The following ZDHHC21 variants were observed in gnomAD, a reference collection of about 807,000 sequenced individuals.
ZDHHC21 encodes the protein zDHHC palmitoyltransferase 21.
Under a neutral mutation model 34.6 loss-of-function variants are expected in ZDHHC21, and 15 were observed. That is an observed-to-expected ratio of 0.43 (90% CI 0.29 to 0.67). The LOEUF (loss-of-function observed/expected upper bound fraction) is 0.67, where lower values mean the gene tolerates loss of function less well. ZDHHC21 is among the 30% of genes least tolerant of loss of function. ZDHHC21 has a pLI of 0.14. For missense variants in ZDHHC21, 344 were observed against 327.7 expected, an observed-to-expected ratio of 1.05 and a Z score of -0.38; for synonymous variants, 142 against 101.8, an observed-to-expected ratio of 1.40 and a Z score of -2.38.
chr9:14,643,922 C>A (rs1161807945), intron 7 of ZDHHC21, among the ~76,000 whole-genome samples: 2 of 152,158 alleles, frequency 1.3e-5, no homozygotes, highest in African/African-American at 2.4e-5. Context: ...AGTCTCAATA[C>A]CTGGTAGGCC....
At chr9:14,667,307 T>C (rs1170549608) in intron 5 of ZDHHC21, among the ~76,000 whole-genome samples, 4 of 149,164 alleles carry the variant, frequency 2.7e-5, no homozygotes, top group African/African-American at 9.8e-5. Flanking sequence ...CAGGAAGAAG[T>C]TGAATCTCTG....
chr9:14,625,886 T>C (rs1826118534), intron 8 of ZDHHC21, among the ~76,000 whole-genome samples: 1 of 151,936 alleles, frequency 6.6e-6, no homozygotes, highest in Non-Finnish European at 1.5e-5. Flanking sequence ...TATCAAAAAT[T>C]TACCAAGTAT....
chr9:14,684,049 C>G (rs1046139770), intron 2 of ZDHHC21, among the ~76,000 whole-genome samples: 5 of 152,118 alleles, frequency 3.3e-5, no homozygotes, highest in African/African-American at 7.2e-5. Context: ...AAGGGACGTA[C>G]CTCAAAATAA....
At chr9:14,600,986 T>A in the ZDHHC21 span, among the ~76,000 whole-genome samples, 2 of 152,240 alleles carry the variant, frequency 1.3e-5, no homozygotes, top group Admixed American at 1.3e-4. Flanking sequence ...TTACACCTTA[T>A]ACAAAAAATT....
intron 8 of ZDHHC21, among the ~76,000 whole-genome samples, chr9:14,620,762 G>A (rs1825167450): frequency 1.3e-5 from 2 of 152,074 alleles, no homozygotes; most frequent in South Asian, 4.1e-4. Flanking sequence ...CTATGTAAGA[G>A]AAAATCAGAG....
Position 14,614,194 on chromosome 9 carries a change from T to C in ZDHHC21, c.*4772A>G, listed in dbSNP as rs1177352358. ...CCTTCTCTCCATCTTAGTAAGTTTGTGGATACTCACTACTCATTTGTACCT... is the reference window on the plus strand; with the variant it reads ...CCTTCTCTCCATCTTAGTAAGTTTGCGGATACTCACTACTCATTTGTACCT... On this transcript the variant is annotated 3_prime_UTR_variant, in exon 10 of 10. Transcript: ENST00000380916. 6.6e-6 allele frequency: 1 copy of C among 151,726 alleles called. No individual in the cohort carries two copies. The highest frequency in any genetic ancestry group is 3.2e-3 in the Middle Eastern group (1 of 316). The allele number at this position is 151,726 out of a possible 1,614,324, so 9.4% of individuals were successfully genotyped here.
chr9:14,676,176 G>A (rs10961655), intron 3 of ZDHHC21, among the ~76,000 whole-genome samples: 54,990 of 151,782 alleles, frequency 0.36, 10,342 homozygotes, highest in Non-Finnish European at 0.41. Context: ...GCTAAGAGAA[G>A]GCAAAAGCCA....
At chr9:14,643,164 C>G (rs1423808529) in intron 7 of ZDHHC21, among the ~76,000 whole-genome samples, 1 of 152,168 alleles carries the variant, frequency 6.6e-6, no homozygotes, top group Admixed American at 6.5e-5. Context: ...AGGAGGATCA[C>G]GTGAACCTGG....
At position 14,614,995 on chromosome 9, in the gene ZDHHC21, G is replaced by T. The variant is rs555255383; in HGVS notation, c.*3971C>A. On this transcript the variant is annotated 3_prime_UTR_variant, in exon 10 of 10. Transcript: ENST00000380916. The stretch of plus-strand genomic sequence containing the variant: ...ATACAGGAAGCGCAAGAGAAGCAGA[G>T]ACTAGAGAAAAGTCCAGAGAGAGAC... 5 of 151,710 alleles carry T rather than the reference G, an allele frequency of 3.3e-5. No individual in the cohort carries two copies. The East Asian group carries it at 9.7e-4, about 29-fold the overall frequency. 9.4% of individuals were successfully genotyped at this position (151,710 alleles called of 1,614,324 possible).
At chr9:14,656,651 G>A (rs532959616) in intron 7 of ZDHHC21, among the ~76,000 whole-genome samples, 1 of 151,996 alleles carries the variant, frequency 6.6e-6, no homozygotes, top group Non-Finnish European at 1.5e-5. Context: ...TAGGCTAAGA[G>A]AACGATTTCT....
Position 14,613,754 on chromosome 9 carries a change from T to C in ZDHHC21, c.*5212A>G, listed in dbSNP as rs1823720783. ...GCCACCCTTATATATTGTTTATTTT[T>C]CCTCTGGTGACAAAATTTTCTATAC... On this transcript the variant is annotated 3_prime_UTR_variant, in exon 10 of 10. Coordinates refer to ENST00000380916, the MANE Select transcript of ZDHHC21 (RefSeq NM_178566.6). 6.6e-6 allele frequency: 1 copy of C among 151,744 alleles called. No homozygotes were observed. Among genetic ancestry groups the C allele is most frequent in the Non-Finnish European group, 1.5e-5 (1 of 67,756 alleles). 9.4% of individuals were successfully genotyped at this position (151,744 alleles called of 1,614,324 possible). A position where few individuals can be genotyped will look rare whatever the true frequency, so the allele number is the denominator to read the frequency against.
the ZDHHC21 span, among the ~76,000 whole-genome samples, chr9:14,596,936 C>T: frequency 6.6e-6 from 1 of 152,128 alleles, no homozygotes; most frequent in South Asian, 2.1e-4. Flanking sequence ...AGAAGTGAAG[C>T]AGCCAGCATG....
At chr9:14,643,707 T>G (rs1431013243) in intron 7 of ZDHHC21, among the ~76,000 whole-genome samples, 1 of 152,242 alleles carries the variant, frequency 6.6e-6, no homozygotes, top group Non-Finnish European at 1.5e-5. Context: ...TTAATTTTTT[T>G]GTGCACAGTG....
the ZDHHC21 span, among the ~76,000 whole-genome samples, chr9:14,598,962 C>G: frequency 6.6e-6 from 1 of 152,028 alleles, no homozygotes; most frequent in Non-Finnish European, 1.5e-5. Flanking sequence ...AGGGTTTCAC[C>G]ATGTCACCCA....
chr9:14,690,097 A>T (rs1169604289), intron 2 of ZDHHC21, among the ~76,000 whole-genome samples: 2 of 152,112 alleles, frequency 1.3e-5, no homozygotes, highest in Non-Finnish European at 2.9e-5. Context: ...ACAAGGAAAA[A>T]ACCTTCAGAT....
intron 8 of ZDHHC21, among the ~76,000 whole-genome samples, chr9:14,639,315 C>G (rs1409493415): frequency 6.6e-6 from 1 of 151,970 alleles, no homozygotes; most frequent in East Asian, 1.9e-4. Flanking sequence ...AAGCTGATCT[C>G]ATGGAGGTCA....
At chr9:14,601,776 G>C in the ZDHHC21 span, among the ~76,000 whole-genome samples, 1 of 152,136 alleles carries the variant, frequency 6.6e-6, no homozygotes, top group African/African-American at 2.4e-5. Flanking sequence ...ACTGGATAAA[G>C]AAAATGTGGC....
intron 8 of ZDHHC21, among the ~76,000 whole-genome samples, chr9:14,637,417 C>A (rs1308669084): frequency 6.6e-6 from 1 of 151,876 alleles, no homozygotes; most frequent in Non-Finnish European, 1.5e-5. Context: ...AGTCTCCCAA[C>A]AAAGAAAAGT....
intron 7 of ZDHHC21, among the ~76,000 whole-genome samples, chr9:14,648,110 C>A (rs1319890451): frequency 6.6e-6 from 1 of 152,060 alleles, no homozygotes; most frequent in East Asian, 1.9e-4. Flanking sequence ...CGGTGAAGCC[C>A]TGGAAATATC....
Sources: allele counts gnomAD v4.1 joint callset (sites outside exome capture counted in the v4.1 genomes callset), GRCh38; gene constraint gnomAD v4.1.1; transcripts MANE v1.5; gene names NCBI Gene and HGNC (gene_info 2026-07-23, HGNC 2026-07-21).